The following DNAH11 variants were observed in gnomAD, a reference collection of about 807,000 sequenced individuals.
DNAH11 encodes axonemal beta dynein heavy chain 11.
In DNAH11, 442 loss-of-function variants were observed where a neutral mutation model predicts 526.0. The observed-to-expected ratio is 0.84, with a 90% CI of 0.78 to 0.91. The LOEUF is 0.91. Among genes scored for constraint, DNAH11 ranks in the 40% least tolerant of loss-of-function variants. The pLI is 0.00. For synonymous variants in DNAH11, 2,461 were observed against 1,935.9 expected, an observed-to-expected ratio of 1.27 and a Z score of -7.12; for missense variants, 6,989 against 5,448.7, an observed-to-expected ratio of 1.28 and a Z score of -8.90.
rs111773644 is a variant in DNAH11 at position 21,633,143 on chromosome 7, A to G, written c.4501-2728A>G. On this transcript the variant is annotated intron_variant, in intron 25 of 81. Coordinates refer to ENST00000409508, the MANE Select transcript of DNAH11 (RefSeq NM_001277115.2). The stretch of plus-strand genomic sequence containing the variant: ...GGGAAAGACCTGCCCCCATGATTCA[A>G]TTACCTCCCAGTGGGTCCCTTCCAC... Among the ~76,000 whole-genome samples the G allele has an allele frequency of 1.4e-3, 217 of 152,278 alleles. 3 individuals carry two copies. The highest frequency in any genetic ancestry group is 5.0e-3 in the South Asian group (24 of 4,830).
chr7:21,606,426 G>A lies in DNAH11; in HGVS notation c.3649G>A (p.Glu1217Lys). The change falls in exon 19 of 82, where the codon GAA (glutamate) becomes AAA (lysine). Residue 1217 changes from glutamate (E) to lysine (K), a missense_variant and splice_region_variant. Coordinates refer to ENST00000409508, the MANE Select transcript of DNAH11 (RefSeq NM_001277115.2). ...CGCATTTGTGCCTTTGCTTTTGCAG[G>A]AATTACCTGAAAGATGGGAAACTAC... ...MPEQVYIQLE[E>K]LPERWETTKK... 6.2e-7 allele frequency: 1 copy of A among 1,605,874 alleles called. No homozygotes were observed. The highest frequency in any genetic ancestry group is 8.5e-7 in the Non-Finnish European group (1 of 1,177,320).
At position 21,793,939 on chromosome 7, in the gene DNAH11, CATTT is replaced by C. The variant is rs543927690; in HGVS notation, c.10026+4598_10026+4601del. The stretch of plus-strand genomic sequence containing the variant: ...CTCTTTTGAGGTCATTCTCTGTAGA[CATTT>C]GTTTGTTTCATCATTTTTCCTTTTT... On this transcript the variant is annotated intron_variant, in intron 61 of 81. Coordinates refer to ENST00000409508, the MANE Select transcript of DNAH11 (RefSeq NM_001277115.2). Among the ~76,000 whole-genome samples, 319 of 152,248 alleles carry C rather than the reference CATTT, an allele frequency of 2.1e-3. 1 individual carries two copies. Among genetic ancestry groups the C allele is most frequent in the Non-Finnish European group, 3.6e-3 (246 of 68,002 alleles).
chr7:21,887,661 C>T (rs915266171), intron 76 of DNAH11, among the ~76,000 whole-genome samples: 1 of 152,076 alleles, frequency 6.6e-6, no homozygotes, highest in Admixed American at 6.5e-5. Flanking sequence ...AATGGGAAAT[C>T]TTTTTATTAT....
intron 9 of DNAH11, among the ~76,000 whole-genome samples, chr7:21,585,616 A>G (rs1453624945): frequency 2.0e-5 from 3 of 152,198 alleles, no homozygotes; most frequent in Admixed American, 2.0e-4. Flanking sequence ...GCTCTCTAAA[A>G]TTTACATGAA....
At chr7:21,688,201 A>G (rs1458702644) in intron 34 of DNAH11, among the ~76,000 whole-genome samples, 1 of 152,122 alleles carries the variant, frequency 6.6e-6, no homozygotes, top group Non-Finnish European at 1.5e-5. Context: ...GTTGAGGACA[A>G]CACCTCTCCT....
rs992301340 is a variant in DNAH11 at position 21,773,776 on chromosome 7, A to C, written c.9113A>C (p.Lys3038Thr). The C allele has an allele frequency of 6.3e-7, 1 of 1,586,292 alleles. No homozygotes were observed. Among genetic ancestry groups the C allele is most frequent in the Non-Finnish European group, 8.6e-7 (1 of 1,167,378 alleles). ...TGTTTGTGTTTTCAGCCAGTGCACAAAGACTCTATTAGCCTTTTCATGGCA... is the reference window on the plus strand; with the variant it reads ...TGTTTGTGTTTTCAGCCAGTGCACACAGACTCTATTAGCCTTTTCATGGCA... ...EETKGIEPVH[K>T]DSISLFMAHV... The change falls in exon 56 of 82, where the codon AAA (lysine) becomes ACA (threonine). Residue 3038 changes from lysine (K) to threonine (T), a missense_variant. Physicochemically the swap from Lys to Thr is moderately conservative, Grantham distance 78 (BLOSUM62 -1). Coordinates refer to ENST00000409508, the MANE Select transcript of DNAH11 (RefSeq NM_001277115.2).
chr7:21,877,810 G>T (rs565790638), intron 74 of DNAH11, among the ~76,000 whole-genome samples: 1 of 140,572 alleles, frequency 7.1e-6, no homozygotes, highest in Admixed American at 7.8e-5. Context: ...GGGAGGCAGA[G>T]GTTGCAATGA....
At chr7:21,815,122 C>T (rs1335107813) in intron 63 of DNAH11, among the ~76,000 whole-genome samples, 4 of 152,108 alleles carry the variant, frequency 2.6e-5, no homozygotes, top group Non-Finnish European at 4.4e-5. Context: ...CTCTACTCTG[C>T]ACAGAGTAGG....
intron 65 of DNAH11, among the ~76,000 whole-genome samples, chr7:21,836,886 C>G (rs1181854045): frequency 1.3e-5 from 2 of 151,934 alleles, no homozygotes; most frequent in East Asian, 3.9e-4. Context: ...ATAAGGAACT[C>G]AATTTAGTAG....
In DNAH11 at chr7:21,735,668, C is replaced by T. The variant is rs745476691; in HGVS notation, c.7469C>T (p.Ala2490Val). 24 of 1,604,056 alleles carry T rather than the reference C, an allele frequency of 1.5e-5. No individual in the cohort carries two copies. Among genetic ancestry groups the T allele is most frequent in the Non-Finnish European group, 2.0e-5 (23 of 1,174,424 alleles). The change falls in exon 46 of 82, where the codon GCT becomes GTT. Residue 2490 changes from alanine to valine, a missense_variant. Ala to Val is a moderately conservative substitution (Grantham distance 64). Coordinates refer to ENST00000409508, the MANE Select transcript of DNAH11 (RefSeq NM_001277115.2). ...GTTCTCGTTCACACAACAGAGACAG[C>T]TCGTCTTAGATATTTCATGGAGTTG... ...QTVLVHTTET[A>V]RLRYFMELLL...
At chr7:21,651,402 A>G (rs10950866) in intron 28 of DNAH11, among the ~76,000 whole-genome samples, 87,203 of 151,604 alleles carry the variant, frequency 0.58, 25,290 homozygotes, top group Admixed American at 0.69. Flanking sequence ...TCGCTCTGTC[A>G]CCCAGGCTGG....
At chr7:21,697,236 C>T (rs749943339) in intron 35 of DNAH11, among the ~76,000 whole-genome samples, 30 of 151,936 alleles carry the variant, frequency 2.0e-4, no homozygotes, top group African/African-American at 6.8e-4. Context: ...TTTTTTCAAA[C>T]GTTGCTGTGA....
intron 45 of DNAH11, among the ~76,000 whole-genome samples, chr7:21,729,953 GTC>G (rs956789515): frequency 6.6e-6 from 1 of 152,194 alleles, no homozygotes; most frequent in Non-Finnish European, 1.5e-5. Flanking sequence ...CTGTTAGAAA[GTC>G]TGTTATCAAA....
At chr7:21,811,875 A>C (rs959323412) in intron 63 of DNAH11, among the ~76,000 whole-genome samples, 1 of 152,202 alleles carries the variant, frequency 6.6e-6, no homozygotes, top group Non-Finnish European at 1.5e-5. Flanking sequence ...TTAGGTTTCA[A>C]TGATGAAATA....
chr7:21,863,025 C>G (rs1220852296), intron 69 of DNAH11, among the ~76,000 whole-genome samples: 2 of 147,152 alleles, frequency 1.4e-5, no homozygotes, highest in Non-Finnish European at 3.0e-5. Flanking sequence ...GATCACGCCA[C>G]TGCACTCCAG....
chr7:21,606,659 G>A lies in DNAH11; in HGVS notation c.3778G>A (p.Glu1260Lys), dbSNP rs368067029. 1.2e-5 allele frequency: 18 copies of A among 1,549,266 alleles called. No individual in the cohort carries two copies. In the African/African-American group the frequency reaches 1.9e-4, roughly 16 times the overall value. Reference protein sequence around the residue: ...KCILFDAKQAEFRERFRHYAP... With the variant: ...KCILFDAKQAKFRERFRHYAP... ...TTGCAATGATCAGGCAAAGCAGGCA[G>A]AGTTCAGAGAGAGATTCAGACACTA... is the stretch of plus-strand genomic sequence containing the variant. The change falls in exon 20 of 82, where the codon GAG becomes AAG. Residue 1260 changes from glutamate to lysine, a missense_variant. Glu to Lys is a moderately conservative substitution (Grantham distance 56). Transcript: ENST00000409508.
chr7:21,657,066 A>G (rs1782043745), intron 29 of DNAH11, among the ~76,000 whole-genome samples: 1 of 152,206 alleles, frequency 6.6e-6, no homozygotes, highest in Non-Finnish European at 1.5e-5. Flanking sequence ...GAAAGTTTTT[A>G]TAGTGCTCTA....
chr7:21,747,643 G>C (rs1283440872), intron 51 of DNAH11, among the ~76,000 whole-genome samples: 1 of 152,184 alleles, frequency 6.6e-6, no homozygotes. Context: ...GGATATTATA[G>C]AACAAGGGAT....
chr7:21,804,290 T>TA (rs1368511308), intron 62 of DNAH11, among the ~76,000 whole-genome samples: 32 of 152,150 alleles, frequency 2.1e-4, no homozygotes, highest in Middle Eastern at 6.8e-3. Flanking sequence ...TTTGTATTTT[T>TA]ATTAGAGACG....
Sources: gnomAD v4.1 joint callset for allele counts (sites outside exome capture counted in the v4.1 genomes callset) on GRCh38, gnomAD v4.1.1 for gene constraint, MANE v1.5 for transcripts, NCBI Gene and HGNC (gene_info 2026-07-23, HGNC 2026-07-21) for gene names.